Variants in SPHKAP observed in about 807,000 individuals in gnomAD.
SPHKAP encodes the protein A-kinase anchor protein SPHKAP.
SPHKAP carries 67 observed loss-of-function variants against 137.5 expected under a neutral mutation model. The observed-to-expected ratio is 0.49, with a 90% confidence interval of 0.40 to 0.60. The LOEUF (loss-of-function observed/expected upper bound fraction) is 0.60, where lower values mean the gene tolerates loss of function less well. Among genes scored for constraint, SPHKAP ranks in the 20% least tolerant of loss-of-function variants. SPHKAP has a pLI of 0.00. For missense variants in SPHKAP, 2,097 were observed against 2,069.3 expected, an observed-to-expected ratio of 1.01 and a Z score of -0.26; for synonymous variants, 813 against 785.3, an observed-to-expected ratio of 1.04 and a Z score of -0.59.
intron 3 of SPHKAP, among the ~76,000 whole-genome samples, chr2:228,086,910 C>T (rs1469797293): frequency 1.3e-5 from 2 of 152,148 alleles, no homozygotes; most frequent in Non-Finnish European, 2.9e-5. Flanking sequence ...CTAAGAAGAG[C>T]CCTCAGGGGG....
chr2:228,019,460 G>A lies in SPHKAP; in HGVS notation c.1394C>T (p.Pro465Leu). 1 of 1,614,176 alleles carries A rather than the reference G, an allele frequency of 6.2e-7. No homozygotes were observed. Among genetic ancestry groups the A allele is most frequent in the Non-Finnish European group, 8.5e-7 (1 of 1,180,034 alleles). ...CATCTCAGGCCAGGAGGAGATGCCT[G>A]GCTGTGGGGCAGCATCACTGCCATC... ...SPDGSDAAPQ[P>L]GISSWPEMEV... is the part of the protein sequence containing the mutation. Residue 465 changes from proline to leucine, a missense_variant, in exon 7 of 12, where the codon CCA becomes CTA. By Grantham distance (98) the Pro-to-Leu change is moderately conservative. Transcript: ENST00000392056.
At chr2:228,092,178 T>C (rs200835977) in intron 3 of SPHKAP, among the ~76,000 whole-genome samples, 6 of 45,428 alleles carry the variant, frequency 1.3e-4, no homozygotes, top group African/African-American at 5.3e-4. Context: ...TACACACACA[T>C]GTGTGTACAT....
At chr2:228,029,485 G>T (rs1695199827) in intron 3 of SPHKAP, among the ~76,000 whole-genome samples, 1 of 152,156 alleles carries the variant, frequency 6.6e-6, no homozygotes, top group African/African-American at 2.4e-5. Context: ...GATCCTTGAA[G>T]TGCAACCCTA....
chr2:228,017,197 C>G lies in SPHKAP; in HGVS notation c.3657G>C (p.Trp1219Cys). The G allele has an allele frequency of 1.2e-5, 20 of 1,613,914 alleles. No individual in the cohort carries two copies. The highest frequency in any genetic ancestry group is 1.6e-5 in the Non-Finnish European group (19 of 1,179,994). The change falls in exon 7 of 12, where the codon TGG becomes TGC. Residue 1219 changes from tryptophan (W) to cysteine (C), a missense_variant. By Grantham distance (215) the Trp-to-Cys change is radical. Transcript: ENST00000392056. ...GAGAAGGAGACAGCAGGCCGGCTGT[C>G]CAATCCTGGCTGCTCCGTCTGGAGG... ...SASSRRSSQD[W>C]TAGLLSPSLR...
chr2:228,120,179 G>C (rs537057210), intron 2 of SPHKAP, among the ~76,000 whole-genome samples: 1 of 152,220 alleles, frequency 6.6e-6, no homozygotes, highest in East Asian at 1.9e-4. Context: ...ACTGTGAAGG[G>C]GGGTAGGAGG....
At chr2:227,996,471 T>A (rs1314239784) in intron 7 of SPHKAP, among the ~76,000 whole-genome samples, 12 of 152,156 alleles carry the variant, frequency 7.9e-5, no homozygotes, top group Admixed American at 7.9e-4. Flanking sequence ...TTCCTTTAAG[T>A]GTAGCTATAG....
In SPHKAP at chr2:228,016,817, T is replaced by A. The variant is rs1175500862; in HGVS notation, c.4037A>T (p.Lys1346Met). 3.7e-6 allele frequency: 6 copies of A among 1,613,934 alleles called. No homozygotes were observed. Among genetic ancestry groups the A allele is most frequent in the Non-Finnish European group, 4.2e-6 (5 of 1,180,002 alleles). ...GCTCGCAGCTAATCTATTTGCACAC[T>A]TCTCTGCTTGCGAGGGAGAGCCACC... is the stretch of plus-strand genomic sequence containing the variant. ...VSGGSPSQAEKCANRLAASRM... is the reference protein window; with the variant it reads ...VSGGSPSQAEMCANRLAASRM... The change falls in exon 7 of 12, where the codon AAG becomes ATG. Residue 1346 changes from lysine (K) to methionine (M), a missense_variant. Physicochemically the swap from Lys to Met is moderately conservative, Grantham distance 95. Coordinates refer to ENST00000392056, the MANE Select transcript of SPHKAP (RefSeq NM_001142644.2).
intron 3 of SPHKAP, among the ~76,000 whole-genome samples, chr2:228,072,959 C>T (rs1697050645): frequency 6.6e-6 from 1 of 152,214 alleles, no homozygotes; most frequent in South Asian, 2.1e-4. Context: ...GCCACCTGCC[C>T]TGTTCCCTGG....
At position 228,020,276 on chromosome 2, in the gene SPHKAP, A is replaced by C. The variant is rs1037395356; in HGVS notation, c.698-120T>G. On this transcript the variant is annotated intron_variant, in intron 6 of 11. Transcript: ENST00000392056. Reference sequence around the variant, plus strand: ...TAAAGACACATGCACACATATGTTTATTGCAGCACTATTCACAATAGCAAA... The same window carrying C: ...TAAAGACACATGCACACATATGTTTCTTGCAGCACTATTCACAATAGCAAA... 41 of 1,372,584 alleles carry C rather than the reference A, an allele frequency of 3.0e-5. 3 individuals carry two copies. The Middle Eastern group carries it at 8.0e-4, about 27-fold the overall frequency. The allele number at this position is 1,372,584 out of a possible 1,614,324, so 85.0% of individuals were successfully genotyped here. A position where few individuals can be genotyped will look rare whatever the true frequency, so the allele number is the denominator to read the frequency against.
At chr2:228,143,623 G>A (rs913945973) in intron 1 of SPHKAP, among the ~76,000 whole-genome samples, 3 of 149,126 alleles carry the variant, frequency 2.0e-5, no homozygotes, top group Non-Finnish European at 4.5e-5. Flanking sequence ...AGCCTCCCAA[G>A]TAGCTGGGAT....
chr2:227,984,823 G>A (rs978794832), intron 11 of SPHKAP, among the ~76,000 whole-genome samples: 4 of 152,142 alleles, frequency 2.6e-5, no homozygotes, highest in Non-Finnish European at 4.4e-5. Flanking sequence ...ACTTCTCTAA[G>A]GTATCCCCAG....
At chr2:227,991,528 CCAA>C (rs1326131738) in intron 9 of SPHKAP, 28 of 985,200 alleles carry the variant, frequency 2.8e-5, no homozygotes, top group Admixed American at 6.2e-5. Context: ...ATGTCCTCCT[CCAA>C]CAACAACAAC....
At chr2:228,129,838 C>T (rs1574876639) in intron 2 of SPHKAP, among the ~76,000 whole-genome samples, 1 of 149,804 alleles carries the variant, frequency 6.7e-6, no homozygotes, top group South Asian at 2.1e-4. Context: ...ACTCTGCCAC[C>T]CAGGCTGGAG....
At chr2:228,177,271 G>A (rs894456861) in intron 1 of SPHKAP, among the ~76,000 whole-genome samples, 2 of 151,516 alleles carry the variant, frequency 1.3e-5, no homozygotes, top group Non-Finnish European at 2.9e-5. Context: ...CAGCAACAAC[G>A]TGGACTCTCA....
At chr2:228,052,294 G>A (rs1420070361) in intron 3 of SPHKAP, among the ~76,000 whole-genome samples, 2 of 152,086 alleles carry the variant, frequency 1.3e-5, no homozygotes, top group African/African-American at 4.8e-5. Flanking sequence ...ATTGGAAATA[G>A]AGGGGACAGA....
intron 11 of SPHKAP, among the ~76,000 whole-genome samples, chr2:227,990,030 C>T (rs189340862): frequency 6.6e-6 from 1 of 152,272 alleles, no homozygotes; most frequent in Non-Finnish European, 1.5e-5. Flanking sequence ...TGTAGGTGGC[C>T]TCTGGGCACT....
At chr2:228,126,922 T>C (rs7577229) in intron 2 of SPHKAP, among the ~76,000 whole-genome samples, 13,890 of 152,198 alleles carry the variant, frequency 0.091, 803 homozygotes, top group Middle Eastern at 0.13. Flanking sequence ...ATTCAGTCAA[T>C]TTGCAATTTT....
At position 228,017,169 on chromosome 2, in the gene SPHKAP, G is replaced by A. The variant is rs1359828809; in HGVS notation, c.3685C>T (p.Arg1229Ter). 6.2e-6 allele frequency: 10 copies of A among 1,613,750 alleles called. No individual in the cohort carries two copies. Among genetic ancestry groups the A allele is most frequent in the East Asian group, 2.2e-5 (1 of 44,870 alleles). ...GACTGTCTGTGGCACACTGGGGATC[G>A]CAGAGAAGGAGACAGCAGGCCGGCT... ...WTAGLLSPSLRSPVCHRQSSM... is the reference protein window; with the variant it reads ...WTAGLLSPSL The change falls in exon 7 of 12, where the codon CGA becomes TGA. Residue 1229 changes from arginine to a stop codon, truncating the protein, a stop_gained. Coordinates refer to ENST00000392056, the MANE Select transcript of SPHKAP (RefSeq NM_001142644.2). LOFTEE classifies it high-confidence loss of function.
At chr2:228,068,581 A>T (rs115863879) in intron 3 of SPHKAP, among the ~76,000 whole-genome samples, 3,562 of 152,322 alleles carry the variant, frequency 0.023, 155 homozygotes, top group African/African-American at 0.081. Context: ...TGCCAAGAAC[A>T]TACACTGGGG....
Sources: gnomAD v4.1 joint callset for allele counts (sites outside exome capture counted in the v4.1 genomes callset) on GRCh38, gnomAD v4.1.1 for gene constraint, MANE v1.5 for transcripts, NCBI Gene and HGNC (gene_info 2026-07-23, HGNC 2026-07-21) for gene names.